The following TMEM132A variants were observed in gnomAD, a reference collection of about 807,000 sequenced individuals.
The protein encoded by TMEM132A is transmembrane protein 132A.
Under a neutral mutation model 69.9 loss-of-function variants are expected in TMEM132A, and 48 were observed. That is an observed-to-expected ratio of 0.69 (90% confidence interval 0.55 to 0.87). The LOEUF is 0.87. Among genes scored for constraint, TMEM132A ranks in the 40% least tolerant of loss-of-function variants. The probability of loss-of-function intolerance (pLI) is 0.00; values close to 1 mark genes in which losing one functional copy is unlikely to be tolerated. For missense variants in TMEM132A, 1,287 were observed against 1,407.2 expected (o/e 0.91, Z 1.37); for synonymous variants, 577 against 613.7 (o/e 0.94, Z 0.88).
Position 60,928,625 on chromosome 11 carries a change from A to G in TMEM132A, c.535-4A>G, listed in dbSNP as rs771652139. The G allele has an allele frequency of 1.2e-6, 2 of 1,606,870 alleles. No individual in the cohort carries two copies. The highest frequency in any genetic ancestry group is 1.7e-6 in the Non-Finnish European group (2 of 1,179,760). On this transcript the variant is annotated splice_polypyrimidine_tract_variant and splice_region_variant and intron_variant, in intron 3 of 10. Coordinates refer to ENST00000453848, the MANE Select transcript of TMEM132A (RefSeq NM_178031.3). ...TGCCAATTACTGCTGTCGTGTCTTCACAGCCATCCCTGGGCGCCTGCGTGG... is the reference window on the plus strand; with the variant it reads ...TGCCAATTACTGCTGTCGTGTCTTCGCAGCCATCCCTGGGCGCCTGCGTGG...
intron 1 of TMEM132A, chr11:60,926,793 A>T (rs1590622265): frequency 1.6e-5 from 4 of 255,134 alleles, no homozygotes; most frequent in Non-Finnish European, 3.1e-5. Flanking sequence ...AGGGCAGAGA[A>T]AGCTCACTTC....
intron 7 of TMEM132A, 156 bp downstream of exon 7, chr11:60,932,283 G>T: frequency 1.1e-6 from 1 of 899,376 alleles, no homozygotes. Flanking sequence ...AACTTCTTTT[G>T]TTCCAGCCAC....
chr11:60,931,238 C>T (rs1248698620), intron 5 of TMEM132A, among the ~76,000 whole-genome samples: 1 of 152,230 alleles, frequency 6.6e-6, no homozygotes, highest in Non-Finnish European at 1.5e-5. Context: ...AAATACAGTG[C>T]TACATATCAG....
At position 60,935,151 on chromosome 11, in the gene TMEM132A, C is replaced by T. The variant is rs560820386; in HGVS notation, c.1837-101C>T. 8.4e-7 allele frequency: 1 copy of T among 1,197,326 alleles called. No homozygotes were observed. Among genetic ancestry groups the T allele is most frequent in the East Asian group, 2.6e-5 (1 of 38,872 alleles). 74.2% of individuals were successfully genotyped at this position (1,197,326 alleles called of 1,614,324 possible). A position where few individuals can be genotyped will look rare whatever the true frequency, so the allele number is the denominator to read the frequency against. ...TCCGTGGCGAAGACCTCCCCCACCT[C>T]CGGAGGGCAGCCCGTGAGGGTGCTG... On this transcript the variant is annotated intron_variant, in intron 9 of 10. Transcript: ENST00000453848. This position sits in a 1 kb window ranked among gnomAD's most constrained non-coding sequence, Gnocchi z 5.0.
At chr11:60,927,115 C>A in intron 1 of TMEM132A, 89 bp from the exon 2 acceptor site, 1 of 1,060,706 alleles carries the variant, frequency 9.4e-7, no homozygotes, top group Non-Finnish European at 1.5e-6. Context: ...CCCTCCCTTG[C>A]CCACAACTAC....
chr11:60,935,981 C>A lies in TMEM132A; in HGVS notation c.2146C>A (p.Pro716Thr). ...AGCCGAGGAGCCTGGTGCCATCCTG[C>A]CAGCTGAGGAGCAGGGTGCCCAGCT... ...VSAEEPGAIL[P>T]AEEQGAQLGV... Residue 716 changes from proline to threonine, a missense_variant, in exon 11 of 11, where the codon CCA (proline) becomes ACA (threonine). By Grantham distance (38) the Pro-to-Thr change is conservative (BLOSUM62 -1). Transcript: ENST00000453848. The surrounding 1 kb of genome is among the most constrained non-coding windows in gnomAD (Gnocchi z 5.0). The A allele has an allele frequency of 6.2e-7, 1 of 1,610,614 alleles. No individual in the cohort carries two copies. Among genetic ancestry groups the A allele is most frequent in the African/African-American group, 1.3e-5 (1 of 74,966 alleles).
At chr11:60,932,186 AC>A in intron 7 of TMEM132A, 59 bp downstream of exon 7, 2 of 1,489,874 alleles carry the variant, frequency 1.3e-6, no homozygotes, top group Non-Finnish European at 1.8e-6. Context: ...AGTTACGCAC[AC>A]ACACCTTTCC....
chr11:60,927,091 T>A, intron 1 of TMEM132A, 113 bp from the exon 2 acceptor site: 1 of 851,068 alleles, frequency 1.2e-6, no homozygotes, highest in South Asian at 1.3e-5. Context: ...AAGGGACATT[T>A]ACAGCCCTTT....
Position 60,935,987 on chromosome 11 carries a change from G to T in TMEM132A, c.2152G>T (p.Glu718Ter). The T allele has an allele frequency of 6.2e-7, 1 of 1,610,218 alleles. No homozygotes were observed. The highest frequency in any genetic ancestry group is 8.5e-7 in the Non-Finnish European group (1 of 1,179,618). Residue 718 changes from glutamate to a stop codon, truncating the protein, a stop_gained, in exon 11 of 11, where the codon GAG becomes TAG. Transcript: ENST00000453848. LOFTEE classifies it low-confidence loss of function (END_TRUNC). This position sits in a 1 kb window ranked among gnomAD's most constrained non-coding sequence, Gnocchi z 5.0. The part of the protein sequence containing the change: ...AEEPGAILPA[E>*]EQGAQLGVVV... ...GGAGCCTGGTGCCATCCTGCCAGCT[G>T]AGGAGCAGGGTGCCCAGCTCGGGGT...
At chr11:60,927,448 C>T in intron 2 of TMEM132A, 30 bp downstream of exon 2, 1 of 1,585,356 alleles carries the variant, frequency 6.3e-7, no homozygotes, top group Non-Finnish European at 8.6e-7. Context: ...GACTCTCAGG[C>T]TAACAGGACT....
In TMEM132A at chr11:60,928,796, G is replaced by C. The variant is rs751331854; in HGVS notation, c.702G>C (p.Val234=). 7 of 1,610,264 alleles carry C rather than the reference G, an allele frequency of 4.3e-6. No homozygotes were observed. Among genetic ancestry groups the C allele is most frequent in the Non-Finnish European group, 5.9e-6 (7 of 1,179,020 alleles). The change falls in exon 4 of 11, where the codon GTG becomes GTC. Residue 234 remains valine (V), a synonymous_variant. Coordinates refer to ENST00000453848, the MANE Select transcript of TMEM132A (RefSeq NM_178031.3). Reference sequence around the variant, plus strand: ...ACCCTGGGGAGCAGGCCCTCCCAGTGGGGGGTGTGGAGCTGCGCCCAGCAG... The same window carrying C: ...ACCCTGGGGAGCAGGCCCTCCCAGTCGGGGGTGTGGAGCTGCGCCCAGCAG... ...ENDPGEQALP[V]GGVELRPADP... is the part of the protein sequence containing the mutation.
rs1856562608 is a variant in TMEM132A, at chr11:60,935,148, C to T, written c.1837-104C>T. 2 of 1,151,416 alleles carry T rather than the reference C, an allele frequency of 1.7e-6. No homozygotes were observed. The highest frequency in any genetic ancestry group is 4.7e-5 in the Admixed American group (2 of 42,708). 71.3% of individuals were successfully genotyped at this position (1,151,416 alleles called of 1,614,324 possible). A position where few individuals can be genotyped will look rare whatever the true frequency, so the allele number is the denominator to read the frequency against. On this transcript the variant is annotated intron_variant, in intron 9 of 10. Transcript: ENST00000453848. The surrounding 1 kb of genome is among the most constrained non-coding windows in gnomAD (Gnocchi z 5.0). ...CTGTCCGTGGCGAAGACCTCCCCCA[C>T]CTCCGGAGGGCAGCCCGTGAGGGTG...
In TMEM132A at chr11:60,935,141, TC is replaced by T; in HGVS notation, c.1837-106del. ...GTGGGGGCTGTCCGTGGCGAAGACC[TC>T]CCCCACCTCCGGAGGGCAGCCCGTG... On this transcript the variant is annotated intron_variant, in intron 9 of 10. Transcript: ENST00000453848. This position sits in a 1 kb window ranked among gnomAD's most constrained non-coding sequence, Gnocchi z 5.0. 9.5e-7 allele frequency: 1 copy of T among 1,048,184 alleles called. No homozygotes were observed. 64.9% of individuals were successfully genotyped at this position (1,048,184 alleles called of 1,614,324 possible).
intron 8 of TMEM132A, chr11:60,933,995 C>T (rs1565122302): frequency 1.8e-6 from 1 of 561,594 alleles, no homozygotes; most frequent in African/African-American, 1.9e-5. Flanking sequence ...TAATCTACGT[C>T]AGTACTGGTT....
chr11:60,936,695 A>G lies in TMEM132A; in HGVS notation c.2860A>G (p.Lys954Glu). 4 of 1,568,634 alleles carry G rather than the reference A, an allele frequency of 2.5e-6. No homozygotes were observed. The highest frequency in any genetic ancestry group is 3.5e-6 in the Non-Finnish European group (4 of 1,157,378). ...CAGCTCCTCAAGCACCCTGGCCCGA[A>G]AGGAGGCTGGGGGGCGGCGGAAGCG... is the stretch of plus-strand genomic sequence containing the variant. ...TTSSSSTLAR[K>E]EAGGRRKRVE... The change falls in exon 11 of 11, where the codon AAG (lysine) becomes GAG (glutamate). Residue 954 changes from lysine (K) to glutamate (E), a missense_variant. Transcript: ENST00000453848.
rs777273092 is a variant in TMEM132A, at chr11:60,927,329, TC to T, written c.229del (p.Arg77AspfsTer56). The T allele has an allele frequency of 6.2e-7, 1 of 1,613,388 alleles. No individual in the cohort carries two copies. The highest frequency in any genetic ancestry group is 1.1e-5 in the South Asian group (1 of 91,078). Reference protein sequence around the residue: ...HYPPANSSLSSRSETFLLLQP... With the variant: ...HYPPANSSLSXRSETFLLLQP... ...CCCACCTGCCAACTCCTCTCTGAGCTCCCGATCTGAGACCTTTCTGCTCCTA... is the reference window on the plus strand; with the variant it reads ...CCCACCTGCCAACTCCTCTCTGAGCTCCGATCTGAGACCTTTCTGCTCCTA... On this transcript the variant is annotated frameshift_variant, in exon 2 of 11. Transcript: ENST00000453848. LOFTEE classifies it high-confidence loss of function.
At position 60,935,674 on chromosome 11, in the gene TMEM132A, C is replaced by A; in HGVS notation, c.2029-190C>A. ...CTAACTGAGGACCCTCCCAATAACT[C>A]AGACCCTAGGGCTGAGTGGCAGACA... On this transcript the variant is annotated intron_variant, in intron 10 of 10. Transcript: ENST00000453848. This position sits in a 1 kb window ranked among gnomAD's most constrained non-coding sequence, Gnocchi z 5.0. The A allele has an allele frequency of 1.2e-6, 1 of 804,790 alleles. No individual in the cohort carries two copies. The highest frequency in any genetic ancestry group is 1.9e-6 in the Non-Finnish European group (1 of 518,454). 49.9% of individuals were successfully genotyped at this position (804,790 alleles called of 1,614,324 possible).
At chr11:60,933,824 G>C in intron 8 of TMEM132A, 80 bp downstream of exon 8, 1 of 1,352,916 alleles carries the variant, frequency 7.4e-7, no homozygotes, top group African/African-American at 1.5e-5. Context: ...ACAGCCATGG[G>C]CCCAAGTCGG....
Position 60,937,144 on chromosome 11 carries a change from C to G in TMEM132A, c.*237C>G. The G allele has an allele frequency of 6.5e-7, 1 of 1,545,634 alleles. No homozygotes were observed. The highest frequency in any genetic ancestry group is 8.7e-7 in the Non-Finnish European group (1 of 1,145,660). ...ACCATTTCATTCTAACAGAATAAAC[C>G]GAGAAGGAAACCAGAGCTGGGACTG... is the stretch of plus-strand genomic sequence containing the variant. On this transcript the variant is annotated 3_prime_UTR_variant, in exon 11 of 11. Coordinates refer to ENST00000453848, the MANE Select transcript of TMEM132A (RefSeq NM_178031.3).
Sources: allele counts gnomAD v4.1 joint callset (sites outside exome capture counted in the v4.1 genomes callset), GRCh38; gene constraint gnomAD v4.1.1; non-coding constraint Gnocchi (gnomAD v3.1); transcripts MANE v1.5; gene names NCBI Gene and HGNC (gene_info 2026-07-23, HGNC 2026-07-21).